PTPRK: variants seen among roughly 807,000 people sequenced by gnomAD.
PTPRK encodes protein tyrosine phosphatase receptor type K.
Under a neutral mutation model 178.0 loss-of-function variants are expected in PTPRK, and 75 were observed. That is an observed-to-expected ratio of 0.42 (90% CI 0.35 to 0.51). The LOEUF (loss-of-function observed/expected upper bound fraction) is 0.51, where lower values mean the gene tolerates loss of function less well. Ranked by LOEUF, PTPRK falls within the 20% of genes least tolerant of loss-of-function variation. The pLI, the probability that PTPRK is intolerant of heterozygous loss-of-function variation, is 0.02. For missense variants in PTPRK, 1,441 were observed against 1,797.8 expected, an observed-to-expected ratio of 0.80 and a Z score of 3.59; for synonymous variants, 637 against 620.6, an observed-to-expected ratio of 1.03 and a Z score of -0.39.
At position 128,018,034 on chromosome 6, in the gene PTPRK, C is replaced by T. The variant is rs538076070; in HGVS notation, c.2195-8766G>A. The stretch of plus-strand genomic sequence containing the variant: ...CTAACACCTTTCCCTTAACTACCCT[C>T]TCACCTCTAAATACCAGTTAATCAT... On this transcript the variant is annotated intron_variant, in intron 13 of 29. Transcript: ENST00000368226. Among the ~76,000 whole-genome samples, 4 of 151,318 alleles carry T rather than the reference C, an allele frequency of 2.6e-5. No individual in the cohort carries two copies. In the East Asian group the frequency reaches 5.9e-4, roughly 22 times the overall value.
chr6:128,386,334 G>T (rs1270520978), intron 2 of PTPRK, among the ~76,000 whole-genome samples: 2 of 152,276 alleles, frequency 1.3e-5, no homozygotes, highest in East Asian at 3.9e-4. Flanking sequence ...GACAAAGGCT[G>T]TGTATTTCAT....
intron 1 of PTPRK, among the ~76,000 whole-genome samples, chr6:128,448,769 T>C (rs765314931): frequency 6.6e-6 from 1 of 152,216 alleles, no homozygotes; most frequent in Non-Finnish European, 1.5e-5. Context: ...TCTAACAAGA[T>C]ATTTTGCCTT....
intron 6 of PTPRK, among the ~76,000 whole-genome samples, chr6:128,207,673 A>C (rs1184196459): frequency 1.3e-5 from 2 of 152,192 alleles, no homozygotes; most frequent in Non-Finnish European, 2.9e-5. Flanking sequence ...TCACAATAAA[A>C]TTCAAAACCT....
In PTPRK at chr6:127,998,898, T is replaced by C. The variant is rs917532015; in HGVS notation, c.2501A>G (p.Asn834Ser). 4 of 1,505,690 alleles carry C rather than the reference T, an allele frequency of 2.7e-6. No individual in the cohort carries two copies. The highest frequency in any genetic ancestry group is 2.4e-5 in the East Asian group (1 of 41,798). The allele number at this position is 1,505,690 out of a possible 1,614,324, so 93.3% of individuals were successfully genotyped here. The change falls in exon 16 of 30, where the codon AAC becomes AGC. Residue 834 changes from asparagine to serine, a missense_variant. This residue lies in a region of PTPRK where 945 missense variants were observed against 1,080.6 expected (regional missense o/e 0.87). Coordinates refer to ENST00000368226, the MANE Select transcript of PTPRK (RefSeq NM_002844.4). ...DQHNFSPRYE[N>S]HSATAESSRL... ...ACTGGACTCTGCTGTAGCACTGTGG[T>C]TCTCATCTGGCATTTTTCAGATTTC...
At chr6:128,142,325 G>A (rs778848915) in intron 7 of PTPRK, among the ~76,000 whole-genome samples, 11 of 151,878 alleles carry the variant, frequency 7.2e-5, no homozygotes, top group Non-Finnish European at 1.3e-4. Context: ...CTGTCTGGTA[G>A]AGTATAAAGT....
At chr6:128,113,218 T>C (rs770211796) in intron 7 of PTPRK, among the ~76,000 whole-genome samples, 3 of 152,034 alleles carry the variant, frequency 2.0e-5, no homozygotes, top group Non-Finnish European at 4.4e-5. Context: ...AATGTATCTA[T>C]GGTATTGAGC....
intron 7 of PTPRK, among the ~76,000 whole-genome samples, chr6:128,181,173 T>C (rs1158058633): frequency 6.6e-6 from 1 of 152,088 alleles, no homozygotes; most frequent in Non-Finnish European, 1.5e-5. Flanking sequence ...TTATTTTTTA[T>C]TATAAATAAG....
chr6:128,448,037 C>T (rs1362197986), intron 1 of PTPRK, among the ~76,000 whole-genome samples: 3 of 152,182 alleles, frequency 2.0e-5, no homozygotes, highest in African/African-American at 7.2e-5. Flanking sequence ...AAATATCCTT[C>T]TTTATGCTGT....
At chr6:128,048,227 A>T (rs60034821) in intron 13 of PTPRK, among the ~76,000 whole-genome samples, 3,722 of 152,176 alleles carry the variant, frequency 0.024, 167 homozygotes, top group African/African-American at 0.086. Flanking sequence ...TAGAAATGCA[A>T]ATTCTTGGGC....
At chr6:128,496,725 T>C (rs966205170) in intron 1 of PTPRK, among the ~76,000 whole-genome samples, 6 of 152,204 alleles carry the variant, frequency 3.9e-5, no homozygotes, top group Non-Finnish European at 7.3e-5. Flanking sequence ...ACAAATATTG[T>C]ATAATCTAAC....
chr6:128,323,151 T>G (rs746263949), intron 2 of PTPRK, among the ~76,000 whole-genome samples: 2 of 152,108 alleles, frequency 1.3e-5, no homozygotes, highest in Non-Finnish European at 2.9e-5. Context: ...GCACAGGACA[T>G]AGAGTCCCAC....
chr6:128,312,753 T>C (rs188797862), intron 3 of PTPRK, among the ~76,000 whole-genome samples: 3 of 152,066 alleles, frequency 2.0e-5, no homozygotes, highest in Non-Finnish European at 2.9e-5. Flanking sequence ...AAAATTGTTT[T>C]CATTTTTTTT....
chr6:128,306,452 G>A (rs914575078), intron 3 of PTPRK, among the ~76,000 whole-genome samples: 1 of 152,152 alleles, frequency 6.6e-6, no homozygotes, highest in African/African-American at 2.4e-5. Flanking sequence ...GAGAGCCTTA[G>A]GGACCAGCCA....
At chr6:127,991,516 T>A in intron 19 of PTPRK, 125 bp from the exon 20 acceptor site, 1 of 552,914 alleles carries the variant, frequency 1.8e-6, no homozygotes, top group Non-Finnish European at 2.9e-6. Context: ...AAAATGTCAC[T>A]GAAAATACTT....
At chr6:128,064,062 T>C (rs1224981090) in intron 13 of PTPRK, among the ~76,000 whole-genome samples, 5 of 152,216 alleles carry the variant, frequency 3.3e-5, no homozygotes, top group Admixed American at 1.3e-4. Flanking sequence ...AGTAGCAATT[T>C]ATTCTTTGTT....
intron 3 of PTPRK, among the ~76,000 whole-genome samples, chr6:128,295,882 GTAAC>G: frequency 6.6e-6 from 1 of 152,172 alleles, no homozygotes; most frequent in East Asian, 1.9e-4. Context: ...AGGCTACACT[GTAAC>G]TTTTATGTAT....
At chr6:128,321,518 ATTT>A in intron 3 of PTPRK, 1 of 355,110 alleles carries the variant, frequency 2.8e-6, no homozygotes, top group Non-Finnish European at 5.0e-6. Context: ...ATGTCATTTA[ATTT>A]ATTCAATTAA....
At chr6:128,297,764 G>A (rs1277495186) in intron 3 of PTPRK, among the ~76,000 whole-genome samples, 2 of 152,122 alleles carry the variant, frequency 1.3e-5, no homozygotes, top group Non-Finnish European at 2.9e-5. Flanking sequence ...ATGCCCACAA[G>A]AGAAAGCAGG....
chr6:128,461,191 T>C (rs1048682565), intron 1 of PTPRK, among the ~76,000 whole-genome samples: 1 of 152,180 alleles, frequency 6.6e-6, no homozygotes, highest in African/African-American at 2.4e-5. Context: ...TATAGATATG[T>C]ATAACCACCT....
Sources: gnomAD v4.1 joint callset for allele counts (sites outside exome capture counted in the v4.1 genomes callset) on GRCh38, gnomAD v4.1.1 for gene constraint, gnomAD v4.1.1 regional missense constraint, MANE v1.5 for transcripts, NCBI Gene and HGNC (gene_info 2026-07-23, HGNC 2026-07-21) for gene names.